Variants in CCDC51 observed in about 807,000 individuals in gnomAD.
CCDC51 encodes coiled-coil domain containing 51.
In CCDC51, 25 loss-of-function variants were observed where a neutral mutation model predicts 24.8. The ratio of observed to expected loss-of-function variants is 1.01; its 90% CI spans 0.73 to 1.41. The LOEUF (loss-of-function observed/expected upper bound fraction) is 1.41. Ranked by LOEUF, CCDC51 falls within the 40% of genes most tolerant of loss-of-function variation. CCDC51 has a pLI of 0.00. For missense variants in CCDC51, 466 were observed against 519.1 expected (o/e 0.90, Z 0.99); for synonymous variants, 190 against 204.3 (o/e 0.93, Z 0.60).
At position 48,440,058 on chromosome 3, in the gene CCDC51, C is replaced by T; in HGVS notation, c.-79G>A. The T allele has an allele frequency of 3.1e-6, 2 of 650,436 alleles. No homozygotes were observed. Among genetic ancestry groups the T allele is most frequent in the Non-Finnish European group, 5.0e-6 (2 of 397,774 alleles). 40.3% of individuals were successfully genotyped at this position (650,436 alleles called of 1,614,324 possible). A position where few individuals can be genotyped will look rare whatever the true frequency, so the allele number is the denominator to read the frequency against. On this transcript the variant is annotated 5_prime_UTR_variant, in exon 1 of 4. Coordinates refer to ENST00000395694, the MANE Select transcript of CCDC51 (RefSeq NM_001256964.2). ...CGGTTAAGTACCCCTCCTACGGTTC[C>T]GATTCTACCCTGGCAGGACAACCCT...
At chr3:48,442,926 T>G (rs2039601434), upstream of CCDC51, among the ~76,000 whole-genome samples, 1 of 152,076 alleles carries the variant, frequency 6.6e-6, no homozygotes, top group Non-Finnish European at 1.5e-5. Flanking sequence ...GTCACATACT[T>G]GAACAACACC....
At chr3:48,439,323 G>A (rs534841417) in intron 1 of CCDC51, among the ~76,000 whole-genome samples, 1 of 152,300 alleles carries the variant, frequency 6.6e-6, no homozygotes, top group East Asian at 1.9e-4. Context: ...CCAGCGCTCA[G>A]CACTGTTATT....
rs938807976 is a variant in CCDC51, at chr3:48,433,773, C to T, written c.411G>A (p.Leu137=). The T allele has an allele frequency of 2.5e-6, 4 of 1,614,124 alleles. No individual in the cohort carries two copies. Among genetic ancestry groups the T allele is most frequent in the Non-Finnish European group, 3.4e-6 (4 of 1,180,002 alleles). The change falls in exon 3 of 4, where the codon TTG becomes TTA. Residue 137 remains leucine, a synonymous_variant. Coordinates refer to ENST00000395694, the MANE Select transcript of CCDC51 (RefSeq NM_001256964.2). The surrounding 1 kb of genome is among the most constrained non-coding windows in gnomAD (Gnocchi z 4.4). ...QAKLKEVRDR[L]DRVSREDSQY... ...GACTGTCCTCCCTGGAGACACGGTC[C>T]AAGCGGTCCCTCACCTCCTTCAGCT...
chr3:48,440,212 C>A, upstream of CCDC51: 1 of 1,518,414 alleles, frequency 6.6e-7, no homozygotes, highest in South Asian at 1.3e-5. Context: ...AGCCAATCAG[C>A]GGGGCCGCCT....
In CCDC51 at chr3:48,435,147, G is replaced by GCCCTC. The variant is rs2039313766; in HGVS notation, c.-8-12_-8-11insGAGGG. On this transcript the variant is annotated splice_polypyrimidine_tract_variant and intron_variant, in intron 1 of 3. Coordinates refer to ENST00000395694, the MANE Select transcript of CCDC51 (RefSeq NM_001256964.2). This position sits in a 1 kb window ranked among gnomAD's most constrained non-coding sequence, Gnocchi z 4.2. Reference sequence around the variant, plus strand: ...CCATCATCCTGAGATCTGTGAGGGGGACGCCAGACAGGTCAGCTCACAGCT... The same window carrying GCCCTC: ...CCATCATCCTGAGATCTGTGAGGGGGCCCTCACGCCAGACAGGTCAGCTCACAGCT... 6.4e-7 allele frequency: 1 copy of GCCCTC among 1,553,000 alleles called. No individual in the cohort carries two copies. Among genetic ancestry groups the GCCCTC allele is most frequent in the Non-Finnish European group, 8.7e-7 (1 of 1,150,824 alleles).
In CCDC51 at chr3:48,432,320, C is replaced by A; in HGVS notation, c.*88G>T. On this transcript the variant is annotated 3_prime_UTR_variant, in exon 4 of 4. Transcript: ENST00000395694. The stretch of plus-strand genomic sequence containing the variant: ...CCTTCAGATTGAGGTTGTACATGCC[C>A]CCAAAGGCTCGCTTCATTGCTACGA... 2 of 1,517,966 alleles carry A rather than the reference C, an allele frequency of 1.3e-6. No individual in the cohort carries two copies. Among genetic ancestry groups the A allele is most frequent in the East Asian group, 2.3e-5 (1 of 43,914 alleles). The allele number at this position is 1,517,966 out of a possible 1,614,324, so 94.0% of individuals were successfully genotyped here. A position where few individuals can be genotyped will look rare whatever the true frequency, so the allele number is the denominator to read the frequency against.
upstream of CCDC51, among the ~76,000 whole-genome samples, chr3:48,441,798 GTGAGCCATGC>G (rs1156525718): frequency 2.0e-5 from 3 of 152,338 alleles, no homozygotes; most frequent in Non-Finnish European, 4.4e-5. Context: ...TTTGAGCACT[GTGAGCCATGC>G]TAGGCATGAT....
At chr3:48,440,270 G>T, upstream of CCDC51, 1 of 1,589,270 alleles carries the variant, frequency 6.3e-7, no homozygotes. Flanking sequence ...TCCGGTGGCA[G>T]GGTCTGGGGA....
rs2039405771 is a variant in CCDC51 at position 48,437,894 on chromosome 3, C to T, written c.-9+2094G>A. On this transcript the variant is annotated intron_variant, in intron 1 of 3. Transcript: ENST00000395694. The surrounding 1 kb of genome is among the most constrained non-coding windows in gnomAD (Gnocchi z 4.2). The stretch of plus-strand genomic sequence containing the variant: ...ACCTGTGCCCCAGGTCCCAAATCCT[C>T]TCTCCTCCTGAGACATTACTCAGTA... 6.6e-6 allele frequency: 1 copy of T among 152,062 alleles called. No homozygotes were observed. Among genetic ancestry groups the T allele is most frequent in the Non-Finnish European group, 1.5e-5 (1 of 68,038 alleles). 9.4% of individuals were successfully genotyped at this position (152,062 alleles called of 1,614,324 possible).
Position 48,432,515 on chromosome 3 carries a change from T to G in CCDC51, c.1129A>C (p.Arg377=). ...MILALSDTEQ[R]LEAQVNRNTI... is the part of the protein sequence containing the mutation. ...TTCCTGTTGACTTGGGCTTCTAGTC[T>G]CTGCTCCGTGTCTGACAGTGCCAAG... The change falls in exon 4 of 4, where the codon AGA becomes CGA. Residue 377 remains arginine, a synonymous_variant. Transcript: ENST00000395694. 6.2e-7 allele frequency: 1 copy of G among 1,614,218 alleles called. No individual in the cohort carries two copies. The highest frequency in any genetic ancestry group is 8.5e-7 in the Non-Finnish European group (1 of 1,180,050).
Position 48,440,082 on chromosome 3 carries a change from C to G in CCDC51, c.-103G>C. On this transcript the variant is annotated 5_prime_UTR_variant, in exon 1 of 4. Transcript: ENST00000395694. Reference sequence around the variant, plus strand: ...CCGATTCTACCCTGGCAGGACAACCCTAGCTCCTCGTACCTGGCGTGGCCC... The same window carrying G: ...CCGATTCTACCCTGGCAGGACAACCGTAGCTCCTCGTACCTGGCGTGGCCC... 2 of 762,382 alleles carry G rather than the reference C, an allele frequency of 2.6e-6. No individual in the cohort carries two copies. Among genetic ancestry groups the G allele is most frequent in the Non-Finnish European group, 4.1e-6 (2 of 489,154 alleles). 47.2% of individuals were successfully genotyped at this position (762,382 alleles called of 1,614,324 possible).
chr3:48,439,629 T>C (rs1189867222), intron 1 of CCDC51, among the ~76,000 whole-genome samples: 2 of 151,502 alleles, frequency 1.3e-5, no homozygotes, highest in South Asian at 2.1e-4. Flanking sequence ...CAAGACTCCA[T>C]CTCGGGGGGA....
chr3:48,443,851 C>G (rs578066508), upstream of CCDC51: 7 of 1,559,816 alleles, frequency 4.5e-6, no homozygotes, highest in Non-Finnish European at 5.2e-6. Flanking sequence ...TTTGCAGCCA[C>G]AGGTGGAATT....
At chr3:48,440,211 G>A (rs890602940), upstream of CCDC51, 28 of 1,518,798 alleles carry the variant, frequency 1.8e-5, no homozygotes, top group Non-Finnish European at 2.2e-5. Context: ...GAGCCAATCA[G>A]CGGGGCCGCC....
chr3:48,432,779 G>T lies in CCDC51; in HGVS notation c.865C>A (p.Pro289Thr), dbSNP rs1425117873. The T allele has an allele frequency of 3.1e-6, 5 of 1,614,006 alleles. No homozygotes were observed. The highest frequency in any genetic ancestry group is 4.2e-6 in the Non-Finnish European group (5 of 1,180,052). Residue 289 changes from proline (P) to threonine (T), a missense_variant, in exon 4 of 4, where the codon CCC becomes ACC. Coordinates refer to ENST00000395694, the MANE Select transcript of CCDC51 (RefSeq NM_001256964.2). ...TCTACATCTCTGTCTCTGGTCGGGG[G>T]ACTACCTGCCTGTGACCCAGAGTCC... ...GQDSGSQAGS[P>T]PTRDRDVDVL...
At chr3:48,440,120 G>A (rs987093385), upstream of CCDC51, 1 of 1,038,904 alleles carries the variant, frequency 9.6e-7, no homozygotes, top group African/African-American at 1.6e-5. Context: ...CCAATCGTCT[G>A]CCACTCAGTT....
At position 48,432,566 on chromosome 3, in the gene CCDC51, A is replaced by G. The variant is rs749668507; in HGVS notation, c.1078T>C (p.Phe360Leu). ...VEPADGAMPS[F>L]LLEQGSMILA... Reference sequence around the variant, plus strand: ...ATCATGCTCCCCTGCTCCAGCAAGAAGCTGGGCATAGCCCCGTCTGCTGGT... The same window carrying G: ...ATCATGCTCCCCTGCTCCAGCAAGAGGCTGGGCATAGCCCCGTCTGCTGGT... Residue 360 changes from phenylalanine to leucine, a missense_variant, in exon 4 of 4, where the codon TTC becomes CTC. Transcript: ENST00000395694. 3.7e-6 allele frequency: 6 copies of G among 1,614,230 alleles called. No individual in the cohort carries two copies. Among genetic ancestry groups the G allele is most frequent in the Admixed American group, 3.3e-5 (2 of 60,030 alleles).
Position 48,434,954 on chromosome 3 carries a change from G to A in CCDC51, c.175C>T (p.Arg59Cys), listed in dbSNP as rs756467640. 10 of 1,611,704 alleles carry A rather than the reference G, an allele frequency of 6.2e-6. No individual in the cohort carries two copies. Among genetic ancestry groups the A allele is most frequent in the South Asian group, 3.3e-5 (3 of 91,088 alleles). The part of the protein sequence containing the change: ...PEEVALGLHH[R>C]LPALGRALGH... ...AGGGCTCTTCCCAGTGCTGGGAGGC[G>A]GTGGTGCAGCCCCAGGGCCACCTCC... The change falls in exon 2 of 4, where the codon CGC (arginine) becomes TGC (cysteine). Residue 59 changes from arginine to cysteine, a missense_variant. Coordinates refer to ENST00000395694, the MANE Select transcript of CCDC51 (RefSeq NM_001256964.2).
rs2039256747 is a variant in CCDC51 at position 48,433,633 on chromosome 3, A to G, written c.477+74T>C. 1 of 1,520,284 alleles carries G rather than the reference A, an allele frequency of 6.6e-7. No homozygotes were observed. The highest frequency in any genetic ancestry group is 1.8e-5 in the Admixed American group (1 of 54,858). The allele number at this position is 1,520,284 out of a possible 1,614,324, so 94.2% of individuals were successfully genotyped here. A position where few individuals can be genotyped will look rare whatever the true frequency, so the allele number is the denominator to read the frequency against. On this transcript the variant is annotated intron_variant, in intron 3 of 3. Coordinates refer to ENST00000395694, the MANE Select transcript of CCDC51 (RefSeq NM_001256964.2). The surrounding 1 kb of genome is among the most constrained non-coding windows in gnomAD (Gnocchi z 4.4). The stretch of plus-strand genomic sequence containing the variant: ...TGACTACAGACCAGTCAGGGTTCCC[A>G]CCCGGCCCCTCCATGATCTGCCAGG...
Sources: gnomAD v4.1 joint callset for allele counts (sites outside exome capture counted in the v4.1 genomes callset) on GRCh38, gnomAD v4.1.1 for gene constraint, Gnocchi (gnomAD v3.1) non-coding constraint, MANE v1.5 for transcripts, NCBI Gene and HGNC (gene_info 2026-07-23, HGNC 2026-07-21) for gene names.